The following SYN3 variants were observed in gnomAD, a reference collection of about 807,000 sequenced individuals.
SYN3 encodes the protein synapsin-3.
SYN3 carries 35 observed loss-of-function variants against 65.8 expected under a neutral mutation model. The observed-to-expected ratio is 0.53, with a 90% confidence interval of 0.41 to 0.70. The LOEUF (loss-of-function observed/expected upper bound fraction) is 0.70, where lower values mean the gene tolerates loss of function less well. SYN3 is among the 30% of genes least tolerant of loss of function. The probability of loss-of-function intolerance (pLI) is 0.00; values close to 1 mark genes in which losing one functional copy is unlikely to be tolerated. For missense variants in SYN3, 680 were observed against 749.0 expected, an observed-to-expected ratio of 0.91 and a Z score of 1.08; for synonymous variants, 270 against 292.9, an observed-to-expected ratio of 0.92 and a Z score of 0.80.
intron 2 of SYN3, among the ~76,000 whole-genome samples, chr22:32,991,338 A>AAATAATAATAATAATAAT (rs60884096): frequency 0.031 from 4,424 of 142,548 alleles, 93 homozygotes; most frequent in Non-Finnish European, 0.039. Flanking sequence ...ACTCCATCTC[A>AAATAATAATAATAATAAT]AATAATAATA....
intron 6 of SYN3, among the ~76,000 whole-genome samples, chr22:32,840,411 G>A (rs2047861321): frequency 6.6e-6 from 1 of 152,106 alleles, no homozygotes. Context: ...AGGGCCCTGG[G>A]GGACCAGGGT....
chr22:32,893,924 T>G (rs1188972972), intron 4 of SYN3, among the ~76,000 whole-genome samples: 2 of 152,180 alleles, frequency 1.3e-5, no homozygotes, highest in African/African-American at 4.8e-5. Context: ...TCCACCAAGC[T>G]GTGAGCTCAT....
chr22:32,991,508 A>G (rs2052716932), intron 2 of SYN3, among the ~76,000 whole-genome samples: 1 of 152,190 alleles, frequency 6.6e-6, no homozygotes. Context: ...CAGAGGAGGC[A>G]TCGGTTCTCA....
intron 6 of SYN3, among the ~76,000 whole-genome samples, chr22:32,841,861 A>T (rs548584080): frequency 2.0e-5 from 3 of 151,774 alleles, no homozygotes; most frequent in African/African-American, 4.8e-5. Context: ...CAATTTGTTT[A>T]AAAAAAAAGT....
chr22:32,582,828 G>C (rs2058969097), intron 7 of SYN3, among the ~76,000 whole-genome samples: 1 of 152,164 alleles, frequency 6.6e-6, no homozygotes, highest in South Asian at 2.1e-4. Context: ...GGTGCCCTTG[G>C]CTGCTGATCC....
intron 7 of SYN3, among the ~76,000 whole-genome samples, chr22:32,567,469 C>T (rs2058689606): frequency 6.6e-6 from 1 of 152,024 alleles, no homozygotes; most frequent in African/African-American, 2.4e-5. Flanking sequence ...ATTAAGATTC[C>T]CGCCTCCATG....
intron 6 of SYN3, among the ~76,000 whole-genome samples, chr22:32,621,475 A>G (rs1383378680): frequency 6.6e-6 from 1 of 152,060 alleles, no homozygotes; most frequent in African/African-American, 2.4e-5. Context: ...AAACCATCTC[A>G]GATGGAGGGT....
intron 1 of SYN3, among the ~76,000 whole-genome samples, chr22:33,016,236 T>G (rs1242968870): frequency 6.6e-6 from 1 of 152,220 alleles, no homozygotes; most frequent in Non-Finnish European, 1.5e-5. Flanking sequence ...CAGCACATAT[T>G]CAAGGTTCAC....
intron 6 of SYN3, among the ~76,000 whole-genome samples, chr22:32,689,171 G>A (rs1205483437): frequency 1.3e-5 from 2 of 152,178 alleles, no homozygotes; most frequent in Non-Finnish European, 2.9e-5. Context: ...GCATCTCTGC[G>A]GAGATTGGGC....
chr22:32,665,463 TG>T (rs775118186), intron 6 of SYN3, among the ~76,000 whole-genome samples: 57 of 151,248 alleles, frequency 3.8e-4, no homozygotes, highest in Non-Finnish European at 6.8e-4. Flanking sequence ...TTCCTTCTTA[TG>T]GCTGAGTAGT....
chr22:32,987,566 G>A (rs1339948773), intron 2 of SYN3, among the ~76,000 whole-genome samples: 1 of 152,176 alleles, frequency 6.6e-6, no homozygotes, highest in South Asian at 2.1e-4. Context: ...GAACTAGGAA[G>A]GGAAGGAATG....
chr22:32,767,042 G>A (rs2045644716), intron 6 of SYN3, among the ~76,000 whole-genome samples: 1 of 152,086 alleles, frequency 6.6e-6, no homozygotes, highest in Admixed American at 6.6e-5. Flanking sequence ...ATCCAAATCA[G>A]TTATAGGCCT....
chr22:32,701,461 A>T (rs2060809434), intron 6 of SYN3, among the ~76,000 whole-genome samples: 1 of 117,790 alleles, frequency 8.5e-6, no homozygotes, highest in Non-Finnish European at 1.7e-5. Flanking sequence ...CAACAGAATC[A>T]GATCAAGAAA....
At chr22:32,586,611 T>C (rs1201587499) in intron 7 of SYN3, among the ~76,000 whole-genome samples, 2 of 152,110 alleles carry the variant, frequency 1.3e-5, no homozygotes, top group Non-Finnish European at 2.9e-5. Flanking sequence ...AGAAGGACAC[T>C]TGTTTACGGT....
chr22:32,542,354 T>C (rs1403425656), intron 7 of SYN3, among the ~76,000 whole-genome samples: 1 of 151,900 alleles, frequency 6.6e-6, no homozygotes, highest in African/African-American at 2.4e-5. Flanking sequence ...GTGAGTGTTG[T>C]GGAGTTTGTG....
At chr22:32,568,129 G>C (rs1012913313) in intron 7 of SYN3, among the ~76,000 whole-genome samples, 9 of 152,180 alleles carry the variant, frequency 5.9e-5, no homozygotes, top group African/African-American at 1.9e-4. Context: ...GCTCCTAGCT[G>C]CTGTGGAGAG....
chr22:32,996,455 TACAG>T (rs148225694), intron 2 of SYN3, among the ~76,000 whole-genome samples: 2,153 of 152,242 alleles, frequency 0.014, 50 homozygotes, highest in African/African-American at 0.049. Flanking sequence ...GATCCCACTT[TACAG>T]ACAAAGAAAC....
intron 1 of SYN3, among the ~76,000 whole-genome samples, chr22:33,048,206 C>T (rs1417511723): frequency 1.3e-5 from 2 of 152,080 alleles, no homozygotes; most frequent in African/African-American, 2.4e-5. Context: ...TACCATACAG[C>T]AACATTTCCT....
chr22:32,543,548 G>A (rs1354028302), intron 7 of SYN3, among the ~76,000 whole-genome samples: 1 of 152,160 alleles, frequency 6.6e-6, no homozygotes, highest in Non-Finnish European at 1.5e-5. Context: ...CTATTTTCCA[G>A]CCCTTTTCAA....
Sources: gnomAD v4.1 joint callset for allele counts (sites outside exome capture counted in the v4.1 genomes callset) on GRCh38, gnomAD v4.1.1 for gene constraint, MANE v1.5 for transcripts, NCBI Gene and HGNC (gene_info 2026-07-23, HGNC 2026-07-21) for gene names.